FSD1L: variants seen among roughly 807,000 people sequenced by gnomAD.
The protein encoded by FSD1L is fibronectin type III and SPRY domain containing 1 like, also known as FSD1-like protein.
In FSD1L, 45 loss-of-function variants were observed where a neutral mutation model predicts 71.6. That is an observed-to-expected ratio of 0.63 (90% CI 0.49 to 0.81). The LOEUF (loss-of-function observed/expected upper bound fraction) is 0.81, where lower values mean the gene tolerates loss of function less well. Among genes scored for constraint, FSD1L ranks in the 30% least tolerant of loss-of-function variants. The pLI is 0.00. For missense variants in FSD1L, 561 were observed against 618.1 expected, an observed-to-expected ratio of 0.91 and a Z score of 0.98; for synonymous variants, 197 against 207.2, an observed-to-expected ratio of 0.95 and a Z score of 0.42.
At position 105,527,000 on chromosome 9, in the gene FSD1L, G is replaced by A. The variant is rs573761591; in HGVS notation, c.1026-7493G>A. ...ATGTACCTGTTAATACACAGAATGT[G>A]TACAGATTATTTGTTATGACAATAA... On this transcript the variant is annotated intron_variant, in intron 10 of 13. Transcript: ENST00000481272. Among the ~76,000 whole-genome samples the A allele has an allele frequency of 6.8e-5, 10 of 147,586 alleles. No individual in the cohort carries two copies. In the East Asian group the frequency reaches 1.6e-3, roughly 23 times the overall value.
intron 11 of FSD1L, among the ~76,000 whole-genome samples, 153 bp from the exon 12 acceptor site, chr9:105,534,914 C>T (rs982670708): frequency 6.6e-6 from 1 of 152,152 alleles, no homozygotes; most frequent in African/African-American, 2.4e-5. Context: ...AGCAGGTACT[C>T]AGCATTTAAT....
intron 7 of FSD1L, among the ~76,000 whole-genome samples, chr9:105,499,683 G>T (rs903068016): frequency 2.7e-5 from 4 of 150,724 alleles, no homozygotes; most frequent in Non-Finnish European, 5.9e-5. Flanking sequence ...ATTTATTTTG[G>T]TTGATGTTCC....
intron 11 of FSD1L, 42 bp downstream of exon 11, chr9:105,534,635 G>T: frequency 8.7e-7 from 1 of 1,148,842 alleles, no homozygotes; most frequent in Non-Finnish European, 1.3e-6. Flanking sequence ...TCAGATTAAA[G>T]GCATCACAAT....
At chr9:105,522,745 G>A in intron 10 of FSD1L, 3 of 1,603,662 alleles carry the variant, frequency 1.9e-6, no homozygotes, top group Admixed American at 1.7e-5. Flanking sequence ...ATTGGCAGCA[G>A]CAGTGCTAAT....
At chr9:105,482,024 G>A (rs765092498) in intron 6 of FSD1L, among the ~76,000 whole-genome samples, 5 of 152,044 alleles carry the variant, frequency 3.3e-5, no homozygotes, top group African/African-American at 7.2e-5. Context: ...GTCCTCTCGC[G>A]TCAGCCTTCC....
intron 7 of FSD1L, among the ~76,000 whole-genome samples, chr9:105,491,633 G>C (rs1422229067): frequency 6.6e-6 from 1 of 152,046 alleles, no homozygotes; most frequent in Middle Eastern, 3.4e-3. Context: ...TTGGCTGTGG[G>C]TTTGTCATAG....
intron 9 of FSD1L, among the ~76,000 whole-genome samples, chr9:105,509,844 T>C (rs1834293434): frequency 6.6e-6 from 1 of 152,212 alleles, no homozygotes; most frequent in Non-Finnish European, 1.5e-5. Flanking sequence ...GATGTTATTG[T>C]GGTTTCTGTA....
chr9:105,470,020 C>T (rs1189648172), intron 4 of FSD1L, among the ~76,000 whole-genome samples: 1 of 152,134 alleles, frequency 6.6e-6, no homozygotes, highest in Non-Finnish European at 1.5e-5. Flanking sequence ...AGAGACTGTC[C>T]TGTCCCTATT....
At chr9:105,484,265 T>G (rs928781629) in intron 6 of FSD1L, 116 bp from the exon 7 acceptor site, 1 of 705,094 alleles carries the variant, frequency 1.4e-6, no homozygotes, top group African/African-American at 1.9e-5. Flanking sequence ...CTTTTAACTT[T>G]TATTATAGTC....
At chr9:105,479,471 A>G (rs1476399146) in intron 6 of FSD1L, 95 bp downstream of exon 6, 15 of 1,072,366 alleles carry the variant, frequency 1.4e-5, no homozygotes, top group Non-Finnish European at 2.1e-5. Context: ...GTTAGTTAAG[A>G]TAAAAGTACC....
intron 12 of FSD1L, among the ~76,000 whole-genome samples, chr9:105,537,270 TC>T (rs1464408121): frequency 2.6e-5 from 4 of 152,146 alleles, no homozygotes; most frequent in African/African-American, 9.7e-5. Flanking sequence ...CCCAAATAAT[TC>T]CGTGAGCTGT....
intron 7 of FSD1L, among the ~76,000 whole-genome samples, chr9:105,488,283 A>G (rs577453886): frequency 6.6e-6 from 1 of 152,328 alleles, no homozygotes; most frequent in South Asian, 2.1e-4. Context: ...TATAGTAAGT[A>G]GCCTTTTCAC....
Position 105,481,776 on chromosome 9 carries a change from AT to A in FSD1L, c.464+2414del, listed in dbSNP as rs200208077. Among the ~76,000 whole-genome samples, 1,295 of 143,370 alleles carry A rather than the reference AT, an allele frequency of 9.0e-3. 10 individuals carry two copies. The highest frequency in any genetic ancestry group is 0.021 in the African/African-American group (808 of 39,384). The allele number at this position is 143,370 out of a possible 152,430, so 94.1% of individuals were successfully genotyped here. ...GCTATTTTCACCAAGCAAAGAAAGG[AT>A]TTTTTTTTTTTTTGGGTCAGGGTCT... On this transcript the variant is annotated intron_variant, in intron 6 of 13. Coordinates refer to ENST00000481272, the MANE Select transcript of FSD1L (RefSeq NM_001145313.3).
intron 7 of FSD1L, among the ~76,000 whole-genome samples, chr9:105,497,230 G>T (rs939407709): frequency 6.7e-6 from 1 of 150,216 alleles, no homozygotes; most frequent in Non-Finnish European, 1.5e-5. Flanking sequence ...TTGGTCAAGG[G>T]TATAATTCTT....
intron 5 of FSD1L, among the ~76,000 whole-genome samples, chr9:105,475,279 G>T (rs1831721590): frequency 6.6e-6 from 1 of 152,176 alleles, no homozygotes; most frequent in Admixed American, 6.5e-5. Flanking sequence ...TATCCATGGG[G>T]TCCCTATAAT....
chr9:105,468,532 TCTCA>T, intron 4 of FSD1L, among the ~76,000 whole-genome samples: 1 of 149,712 alleles, frequency 6.7e-6, no homozygotes, highest in South Asian at 2.1e-4. Context: ...TGAGACGGAG[TCTCA>T]CTCTGTCACC....
At chr9:105,535,446 A>G in intron 12 of FSD1L, 128 bp downstream of exon 12, 1 of 939,382 alleles carries the variant, frequency 1.1e-6, no homozygotes, top group Admixed American at 2.5e-5. Context: ...TAGGCTTTTG[A>G]TTGCAATCAT....
intron 7 of FSD1L, among the ~76,000 whole-genome samples, chr9:105,496,336 A>G (rs541096469): frequency 1.4e-4 from 21 of 151,344 alleles, no homozygotes; most frequent in African/African-American, 3.9e-4. Flanking sequence ...CAGTCTTCCA[A>G]CTTTGATCTT....
intron 1 of FSD1L, among the ~76,000 whole-genome samples, chr9:105,448,647 C>CTTGTTTGGA (rs1829785290): frequency 6.6e-6 from 1 of 152,188 alleles, no homozygotes; most frequent in Non-Finnish European, 1.5e-5. Context: ...CTGCTGACGC[C>CTTGTTTGGA]GAAAGCTGGG....
Sources: allele counts gnomAD v4.1 joint callset (sites outside exome capture counted in the v4.1 genomes callset), GRCh38; gene constraint gnomAD v4.1.1; transcripts MANE v1.5; gene names NCBI Gene and HGNC (gene_info 2026-07-23, HGNC 2026-07-21).